Variants in MID1 observed in about 807,000 individuals in gnomAD.
The protein encoded by MID1 is midline 1.
MID1 carries 7 observed loss-of-function variants against 40.4 expected under a neutral mutation model. That is an observed-to-expected ratio of 0.17 (90% CI 0.10 to 0.33). MID1 has a LOEUF of 0.33. MID1 is among the 10% of genes least tolerant of loss of function. MID1 has a pLI of 1.00. For missense variants in MID1, 367 were observed against 558.5 expected (o/e 0.66, Z 3.46); for synonymous variants, 229 against 221.2 (o/e 1.04, Z -0.31).
At chrX:10,455,122 T>TA in intron 8 of MID1, 45 bp from the exon 9 acceptor site, 2 of 1,088,308 alleles carry the variant, frequency 1.8e-6, no homozygotes, top group Non-Finnish European at 2.6e-6. Context: ...GGAAGAGGAT[T>TA]GTTTATTTTA....
chrX:10,567,673 G>A, intron 1 of MID1, 70 bp from the exon 2 acceptor site: 1 of 680,669 alleles, frequency 1.5e-6, no homozygotes. Flanking sequence ...AGCTTTGAAT[G>A]CATCTCAGAA....
At chrX:10,557,338 G>T (rs1934161773) in intron 2 of MID1, among the ~76,000 whole-genome samples, 2 of 111,989 alleles carry the variant, frequency 1.8e-5, no homozygotes, top group African/African-American at 6.5e-5. Context: ...GGCCAAGCAG[G>T]CGTTTAAAAA....
chrX:10,809,257 T>C (rs2044075258), intron 1 of MID1, among the ~76,000 whole-genome samples: 1 of 111,653 alleles, frequency 9.0e-6, no homozygotes, highest in Admixed American at 9.5e-5. Context: ...AGAATGGTGA[T>C]CATTCAAAAG....
chrX:10,760,224 T>G (rs1267980172), intron 1 of MID1, among the ~76,000 whole-genome samples: 1 of 111,423 alleles, frequency 9.0e-6, no homozygotes, highest in African/African-American at 3.3e-5. Context: ...CACACTGCCT[T>G]TTATAAATCT....
Position 10,579,809 on chromosome X carries a change from T to A in MID1, c.-56-12206A>T, listed in dbSNP as rs1487693765. Among the ~76,000 whole-genome samples, 3 of 108,406 alleles carry A rather than the reference T, an allele frequency of 2.8e-5. No homozygotes were observed. The East Asian group carries it at 8.6e-4, about 31-fold the overall frequency. The allele number at this position is 108,406 out of a possible 115,157, so 94.1% of individuals were successfully genotyped here. ...GGAAGAAGTCTTTTTTTTTTTTTTT[T>A]AAAGGCAACAGAAAGAGGAGTGACT... is the stretch of plus-strand genomic sequence containing the variant. On this transcript the variant is annotated intron_variant, in intron 1 of 9. Transcript: ENST00000317552.
chrX:10,770,339 G>T (rs1421843737), intron 1 of MID1, among the ~76,000 whole-genome samples: 1 of 111,850 alleles, frequency 8.9e-6, no homozygotes. Flanking sequence ...TCACACAATG[G>T]CTTCACTCAC....
intron 7 of MID1, among the ~76,000 whole-genome samples, chrX:10,463,542 C>T (rs1178189884): frequency 2.7e-5 from 3 of 112,569 alleles, no homozygotes; most frequent in Non-Finnish European, 3.7e-5. Context: ...CTTTCACATA[C>T]TGATTGTGTA....
chrX:10,726,934 G>T (rs913978040), intron 1 of MID1, among the ~76,000 whole-genome samples: 1 of 112,211 alleles, frequency 8.9e-6, no homozygotes, highest in African/African-American at 3.2e-5. Context: ...ATGACAAAGT[G>T]GGACTGGGAA....
chrX:10,449,276 A>C lies in MID1; in HGVS notation c.*92T>G. ...TTCGGGACACTTCTGGTGAGATTTC[A>C]TTACACTCATGAAGCCTGTGCTTTC... On this transcript the variant is annotated 3_prime_UTR_variant, in exon 10 of 10. Transcript: ENST00000317552. 1 of 787,088 alleles carries C rather than the reference A, an allele frequency of 1.3e-6. No individual in the cohort carries two copies. Among genetic ancestry groups the C allele is most frequent in the East Asian group, 3.4e-5 (1 of 29,143 alleles). The allele number at this position is 787,088 out of a possible 1,213,427, so 64.9% of individuals were successfully genotyped here. A position where few individuals can be genotyped will look rare whatever the true frequency, so the allele number is the denominator to read the frequency against.
intron 1 of MID1, among the ~76,000 whole-genome samples, chrX:10,823,936 AAC>A (rs1251243010): frequency 8.9e-6 from 1 of 111,996 alleles, no homozygotes; most frequent in Non-Finnish European, 1.9e-5. Flanking sequence ...AATTATATAC[AAC>A]ACACACACAT....
chrX:10,556,366 T>C (rs1331902549), intron 2 of MID1, among the ~76,000 whole-genome samples: 1 of 111,692 alleles, frequency 9.0e-6, no homozygotes, highest in Non-Finnish European at 1.9e-5. Flanking sequence ...AATTGGGCCT[T>C]GTTTTTAAAG....
At chrX:10,547,716 A>G (rs1419879818) in intron 2 of MID1, among the ~76,000 whole-genome samples, 1 of 111,512 alleles carries the variant, frequency 9.0e-6, no homozygotes, top group African/African-American at 3.3e-5. Flanking sequence ...TGAACAAACC[A>G]GGCATTCTAC....
chrX:10,538,535 A>G (rs903138309), intron 2 of MID1, among the ~76,000 whole-genome samples: 4 of 111,309 alleles, frequency 3.6e-5, no homozygotes, highest in African/African-American at 1.3e-4. Context: ...TTCAACTCTT[A>G]AAGGATGAAG....
chrX:10,459,432 G>C (rs1161727081), intron 8 of MID1, among the ~76,000 whole-genome samples: 2 of 112,201 alleles, frequency 1.8e-5, no homozygotes, highest in Non-Finnish European at 3.8e-5. Flanking sequence ...GTAATGCAGA[G>C]AGAGTAATGG....
intron 3 of MID1, among the ~76,000 whole-genome samples, chrX:10,522,152 C>T (rs899133676): frequency 1.1e-4 from 12 of 111,868 alleles, no homozygotes; most frequent in Non-Finnish European, 1.7e-4. Context: ...ATAGAGTCTT[C>T]GCAGATGTAA....
chrX:10,728,380 A>T (rs1171887185), intron 1 of MID1, among the ~76,000 whole-genome samples: 1 of 111,855 alleles, frequency 8.9e-6, no homozygotes, highest in Non-Finnish European at 1.9e-5. Flanking sequence ...AACAGTGTTG[A>T]CACAGTTCAA....
intron 1 of MID1, among the ~76,000 whole-genome samples, chrX:10,748,867 G>A (rs1036072393): frequency 9.0e-6 from 1 of 111,030 alleles, no homozygotes; most frequent in Non-Finnish European, 1.9e-5. Context: ...TGGATGGGGG[G>A]ACACACACAA....
chrX:10,646,797 T>C (rs1379426267), intron 1 of MID1, among the ~76,000 whole-genome samples: 1 of 111,805 alleles, frequency 8.9e-6, no homozygotes, highest in Admixed American at 9.6e-5. Flanking sequence ...AATAGTAACA[T>C]ATATTGTGAT....
At chrX:10,590,492 T>C (rs1935268678) in intron 1 of MID1, among the ~76,000 whole-genome samples, 1 of 110,889 alleles carries the variant, frequency 9.0e-6, no homozygotes, top group Admixed American at 9.5e-5. Flanking sequence ...AGGGGAGGGG[T>C]TATAAAGCAA....
Sources: allele counts gnomAD v4.1 joint callset (sites outside exome capture counted in the v4.1 genomes callset), GRCh38; gene constraint gnomAD v4.1.1; transcripts MANE v1.5; gene names NCBI Gene and HGNC (gene_info 2026-07-23, HGNC 2026-07-21).